ZNF736: variants seen among roughly 807,000 people sequenced by gnomAD.
ZNF736 encodes the protein zinc finger protein 736.
ZNF736 carries 6 observed loss-of-function variants against 11.7 expected under a neutral mutation model. That is an observed-to-expected ratio of 0.51 (90% CI 0.28 to 1.01). The LOEUF (loss-of-function observed/expected upper bound fraction) is 1.01. Ranked by LOEUF, ZNF736 falls within the 50% of genes least tolerant of loss-of-function variation. The pLI is 0.09. For synonymous variants in ZNF736, 139 were observed against 164.7 expected (o/e 0.84, Z 1.19); for missense variants, 444 against 496.0 (o/e 0.90, Z 1.00).
chr7:64,336,543 A>T (rs1214492942), intron 2 of ZNF736, among the ~76,000 whole-genome samples, 158 bp downstream of exon 2: 1 of 152,184 alleles, frequency 6.6e-6, no homozygotes, highest in African/African-American at 2.4e-5. Flanking sequence ...AATCTTCAAG[A>T]TGTTTCATCT....
At chr7:64,318,323 G>A (rs1788944761) in intron 1 of ZNF736, among the ~76,000 whole-genome samples, 1 of 151,882 alleles carries the variant, frequency 6.6e-6, no homozygotes, top group African/African-American at 2.4e-5. Context: ...ATGTAGCTTA[G>A]CAACAGTCTA....
chr7:64,327,511 A>G (rs1231899370), intron 1 of ZNF736, among the ~76,000 whole-genome samples: 1 of 151,660 alleles, frequency 6.6e-6, no homozygotes, highest in Non-Finnish European at 1.5e-5. Context: ...GTGTCTTTTG[A>G]TTGGGGAGTT....
Position 64,348,417 on chromosome 7 carries a change from T to C in ZNF736, c.554T>C (p.Phe185Ser). 6.4e-7 allele frequency: 1 copy of C among 1,550,560 alleles called. No individual in the cohort carries two copies. ...GAATGTGGCAAAGACTGTAGGTTGT[T>C]CTCAGATTTTACTAGACATAAGAAA... ...CEECGKDCRL[F>S]SDFTRHKKIH... The change falls in exon 4 of 4, where the codon TTC becomes TCC. Residue 185 changes from phenylalanine to serine, a missense_variant. Phe to Ser is a radical substitution (Grantham distance 155, BLOSUM62 -2). Coordinates refer to ENST00000423484, the MANE Select transcript of ZNF736 (RefSeq NM_001170905.3).
In ZNF736 at chr7:64,354,009, T is replaced by C. The variant is rs1789523825; in HGVS notation, c.*4862T>C. ...AAGGTTGTAGGTAACAATATACTAT[T>C]GGGTGACAGTGGACTAACATCTCTA... On this transcript the variant is annotated 3_prime_UTR_variant, in exon 4 of 4. Transcript: ENST00000423484. The C allele has an allele frequency of 6.6e-6, 1 of 152,218 alleles. No homozygotes were observed. Among genetic ancestry groups the C allele is most frequent in the Non-Finnish European group, 1.5e-5 (1 of 68,020 alleles). The allele number at this position is 152,218 out of a possible 1,614,324, so 9.4% of individuals were successfully genotyped here.
intron 3 of ZNF736, among the ~76,000 whole-genome samples, chr7:64,343,702 T>C (rs1357558592): frequency 6.6e-6 from 1 of 152,234 alleles, no homozygotes; most frequent in African/African-American, 2.4e-5. Context: ...ATTTTTTTTG[T>C]TAAATTTTGT....
rs537390550 is a variant in ZNF736, at chr7:64,353,590, G to A, written c.*4443G>A. 1 of 152,332 alleles carries A rather than the reference G, an allele frequency of 6.6e-6. No individual in the cohort carries two copies. Among genetic ancestry groups the A allele is most frequent in the South Asian group, 2.1e-4 (1 of 4,830 alleles). 9.4% of individuals were successfully genotyped at this position (152,332 alleles called of 1,614,324 possible). ...GAACATGGTCAGTGGTTGCACCAGA[G>A]TTGTGAGAGGTTCTTCTATATTAGA... On this transcript the variant is annotated 3_prime_UTR_variant, in exon 4 of 4. Coordinates refer to ENST00000423484, the MANE Select transcript of ZNF736 (RefSeq NM_001170905.3).
At chr7:64,333,753 C>G (rs1427030764) in intron 1 of ZNF736, among the ~76,000 whole-genome samples, 1 of 152,112 alleles carries the variant, frequency 6.6e-6, no homozygotes, top group Non-Finnish European at 1.5e-5. Flanking sequence ...CTATTCCCAT[C>G]AGGCTACCAT....
In ZNF736 at chr7:64,337,761, T is replaced by G. The variant is rs55661511; in HGVS notation, c.226+779T>G. On this transcript the variant is annotated intron_variant, in intron 3 of 3. Transcript: ENST00000423484. ...GTTTTGTTTTGTTTTTTTTGGTTTT[T>G]TTTTTTTTTTGAGACAGAGTTTTGC... Among the ~76,000 whole-genome samples the G allele has an allele frequency of 3.2e-3, 430 of 134,464 alleles. 1 individual carries two copies. Among genetic ancestry groups the G allele is most frequent in the African/African-American group, 0.011 (402 of 37,734 alleles). 88.2% of individuals were successfully genotyped at this position (134,464 alleles called of 152,430 possible). A position where few individuals can be genotyped will look rare whatever the true frequency, so the allele number is the denominator to read the frequency against.
chr7:64,334,257 C>T (rs911179804), intron 1 of ZNF736, among the ~76,000 whole-genome samples: 30 of 152,148 alleles, frequency 2.0e-4, no homozygotes, highest in African/African-American at 7.0e-4. Context: ...ATGACTAAAA[C>T]ACCAAAGGCA....
chr7:64,336,423 T>A, intron 2 of ZNF736, 38 bp downstream of exon 2: 1 of 1,516,434 alleles, frequency 6.6e-7, no homozygotes, highest in Non-Finnish European at 8.8e-7. Context: ...TATTCTACAT[T>A]AAATATTTTA....
chr7:64,328,662 T>C (rs1449011517), intron 1 of ZNF736, among the ~76,000 whole-genome samples: 2 of 152,082 alleles, frequency 1.3e-5, no homozygotes, highest in African/African-American at 4.8e-5. Flanking sequence ...CTTGGGAGGC[T>C]GAGGCAGGAG....
rs188225036 is a variant in ZNF736, at chr7:64,336,339, G to T, written c.84G>T (p.Leu28Phe). ...WECLDSAQQR[L>F]YRDVMLENYG... ...GCCTGGACTCTGCTCAGCAGCGTTT[G>T]TATAGGGATGTGATGTTAGAGAACT... Residue 28 changes from leucine (L) to phenylalanine (F), a missense_variant, in exon 2 of 4, where the codon TTG (leucine) becomes TTT (phenylalanine). Physicochemically the swap from Leu to Phe is conservative, Grantham distance 22. Transcript: ENST00000423484. 12 of 1,613,300 alleles carry T rather than the reference G, an allele frequency of 7.4e-6. No individual in the cohort carries two copies. The highest frequency in any genetic ancestry group is 1.0e-5 in the Non-Finnish European group (12 of 1,179,526).
intron 3 of ZNF736, 56 bp from the exon 4 acceptor site, chr7:64,348,030 ATATT>A (rs1333549417): frequency 4.0e-6 from 5 of 1,264,314 alleles, no homozygotes; most frequent in Non-Finnish European, 5.3e-6. Flanking sequence ...GTATAATTAT[ATATT>A]TGTGAAGTAT....
At chr7:64,329,213 A>G (rs1159173509) in intron 1 of ZNF736, among the ~76,000 whole-genome samples, 1 of 151,946 alleles carries the variant, frequency 6.6e-6, no homozygotes, top group Non-Finnish European at 1.5e-5. Flanking sequence ...TCCTGTCTGA[A>G]AGGTTACATA....
intron 1 of ZNF736, among the ~76,000 whole-genome samples, chr7:64,327,078 G>A (rs1405429535): frequency 6.6e-6 from 1 of 152,152 alleles, no homozygotes; most frequent in Non-Finnish European, 1.5e-5. Flanking sequence ...TCATAGTGCA[G>A]ATTAAGTTCA....
intron 1 of ZNF736, among the ~76,000 whole-genome samples, chr7:64,328,377 A>G (rs1789111070): frequency 6.6e-6 from 1 of 152,000 alleles, no homozygotes; most frequent in Non-Finnish European, 1.5e-5. Context: ...ACTGTCAAAC[A>G]TATTGGTGCT....
intron 1 of ZNF736, among the ~76,000 whole-genome samples, chr7:64,330,312 G>T (rs759368931): frequency 6.6e-6 from 1 of 151,978 alleles, no homozygotes; most frequent in African/African-American, 2.4e-5. Context: ...GCCCACCACC[G>T]CGCCGGCTAA....
intron 1 of ZNF736, among the ~76,000 whole-genome samples, chr7:64,335,127 A>G (rs1487443092): frequency 1.3e-5 from 2 of 152,300 alleles, no homozygotes; most frequent in African/African-American, 4.8e-5. Flanking sequence ...GAAACATCAC[A>G]CACCAGGGCC....
chr7:64,317,600 C>T (rs1356109946), intron 1 of ZNF736, among the ~76,000 whole-genome samples: 1 of 152,004 alleles, frequency 6.6e-6, no homozygotes, highest in East Asian at 1.9e-4. Context: ...TGGTTCCTTC[C>T]AACAAATTTG....
Sources: allele counts gnomAD v4.1 joint callset (sites outside exome capture counted in the v4.1 genomes callset), GRCh38; gene constraint gnomAD v4.1.1; transcripts MANE v1.5; gene names NCBI Gene and HGNC (gene_info 2026-07-23, HGNC 2026-07-21).